The following DENND6A variants were observed in gnomAD, a reference collection of about 807,000 sequenced individuals.
DENND6A encodes the protein protein DENND6A.
A neutral mutation model predicts 95.5 loss-of-function variants in DENND6A; 43 were observed. The ratio of observed to expected loss-of-function variants is 0.45; its 90% CI spans 0.35 to 0.58. The LOEUF (loss-of-function observed/expected upper bound fraction) is 0.58, where lower values mean the gene tolerates loss of function less well. Among genes scored for constraint, DENND6A ranks in the 20% least tolerant of loss-of-function variants. The pLI, the probability that DENND6A is intolerant of heterozygous loss-of-function variation, is 0.00. For missense variants in DENND6A, 574 were observed against 736.0 expected, an observed-to-expected ratio of 0.78 and a Z score of 2.55; for synonymous variants, 257 against 260.4, an observed-to-expected ratio of 0.99 and a Z score of 0.13.
chr3:57,666,046 G>C (rs1039254726), intron 4 of DENND6A, 77 bp downstream of exon 4: 1 of 1,172,682 alleles, frequency 8.5e-7, no homozygotes, highest in Non-Finnish European at 1.2e-6. Flanking sequence ...ATTTCTGAAT[G>C]GTGTCAGCGG....
At position 57,672,301 on chromosome 3, in the gene DENND6A, G is replaced by C; in HGVS notation, c.277-3C>G. 1 of 1,609,028 alleles carries C rather than the reference G, an allele frequency of 6.2e-7. No individual in the cohort carries two copies. The highest frequency in any genetic ancestry group is 8.5e-7 in the Non-Finnish European group (1 of 1,178,488). ...GACAAATAGCAAATATTGGTTTTCT[G>C]AAAAAGAAAACAAAAGTGATGTATG... On this transcript the variant is annotated splice_polypyrimidine_tract_variant and splice_region_variant and intron_variant, in intron 2 of 19. Coordinates refer to ENST00000311128, the MANE Select transcript of DENND6A (RefSeq NM_152678.3).
chr3:57,645,948 C>G (rs1438139134), intron 10 of DENND6A, among the ~76,000 whole-genome samples, 192 bp from the exon 11 acceptor site: 1 of 152,100 alleles, frequency 6.6e-6, no homozygotes, highest in Admixed American at 6.6e-5. Flanking sequence ...AAAGAACACA[C>G]TGGGTTTGGG....
chr3:57,647,088 T>A (rs1274113963), intron 9 of DENND6A, among the ~76,000 whole-genome samples: 4 of 151,926 alleles, frequency 2.6e-5, no homozygotes, highest in South Asian at 4.1e-4. Context: ...TGGTAAAAAA[T>A]TTTCCTAGTA....
chr3:57,661,396 T>C (rs2071420469), intron 6 of DENND6A, 50 bp downstream of exon 6: 1 of 1,328,730 alleles, frequency 7.5e-7, no homozygotes, highest in Admixed American at 3.1e-5. Flanking sequence ...TATCACTTAT[T>C]TCCAGTAAAA....
chr3:57,669,091 C>T (rs749861633), intron 3 of DENND6A, among the ~76,000 whole-genome samples: 4 of 152,024 alleles, frequency 2.6e-5, no homozygotes, highest in Admixed American at 6.6e-5. Flanking sequence ...AGGCTGGTCT[C>T]GAATTCCTGA....
chr3:57,665,000 A>G (rs989920786), intron 4 of DENND6A, among the ~76,000 whole-genome samples: 2 of 152,226 alleles, frequency 1.3e-5, no homozygotes, highest in Admixed American at 1.3e-4. Flanking sequence ...AGACAAAGGC[A>G]TTCCAAGTTG....
chr3:57,635,262 T>C (rs2070767876), intron 12 of DENND6A, among the ~76,000 whole-genome samples: 1 of 152,124 alleles, frequency 6.6e-6, no homozygotes, highest in African/African-American at 2.4e-5. Context: ...TTTTCCATTA[T>C]AGAAACTTAC....
intron 3 of DENND6A, among the ~76,000 whole-genome samples, chr3:57,669,990 A>G (rs2071588750): frequency 6.7e-6 from 1 of 148,170 alleles, no homozygotes; most frequent in Admixed American, 6.8e-5. Flanking sequence ...ACTGCACTCC[A>G]GCCTGGGTGA....
At chr3:57,642,053 G>A (rs1004018110) in intron 11 of DENND6A, among the ~76,000 whole-genome samples, 9 of 152,182 alleles carry the variant, frequency 5.9e-5, no homozygotes, top group African/African-American at 1.9e-4. Flanking sequence ...GGTGATTCAC[G>A]CCTGTAATCC....
At chr3:57,636,270 G>C (rs918417282) in intron 12 of DENND6A, among the ~76,000 whole-genome samples, 2 of 152,184 alleles carry the variant, frequency 1.3e-5, no homozygotes, top group African/African-American at 4.8e-5. Flanking sequence ...ATAAAGGAAA[G>C]AGTGAAAGAG....
chr3:57,644,376 G>A (rs1244985982), intron 11 of DENND6A, among the ~76,000 whole-genome samples: 1 of 151,886 alleles, frequency 6.6e-6, no homozygotes, highest in Non-Finnish European at 1.5e-5. Flanking sequence ...CACGATCTGA[G>A]TTCACTGCAA....
At chr3:57,633,416 T>A in intron 14 of DENND6A, 62 bp from the exon 15 acceptor site, 1 of 1,331,230 alleles carries the variant, frequency 7.5e-7, no homozygotes, top group Non-Finnish European at 1.1e-6. Context: ...AATGGATAAC[T>A]ATCAGATTCA....
chr3:57,674,791 TA>T (rs896268055), intron 1 of DENND6A, among the ~76,000 whole-genome samples: 2 of 152,150 alleles, frequency 1.3e-5, no homozygotes, highest in Non-Finnish European at 2.9e-5. Flanking sequence ...TATGCAGCCA[TA>T]AAAAAAGAAT....
intron 18 of DENND6A, among the ~76,000 whole-genome samples, chr3:57,629,656 C>T (rs1447578709): frequency 1.3e-5 from 2 of 151,008 alleles, no homozygotes; most frequent in African/African-American, 2.4e-5. Context: ...GGACTACAGG[C>T]GCCTGCCACC....
At position 57,626,265 on chromosome 3, in the gene DENND6A, G is replaced by A. The variant is rs761611565; in HGVS notation, c.*1949C>T. ...AACGCAAGGAGTCTTTCTTGGGTCA[G>A]GAATGCCCTTAAGAGTTATATCGAC... On this transcript the variant is annotated 3_prime_UTR_variant, in exon 20 of 20. Coordinates refer to ENST00000311128, the MANE Select transcript of DENND6A (RefSeq NM_152678.3). 1.3e-5 allele frequency: 2 copies of A among 152,568 alleles called. No individual in the cohort carries two copies. Among genetic ancestry groups the A allele is most frequent in the Admixed American group, 6.6e-5 (1 of 15,264 alleles). 9.5% of individuals were successfully genotyped at this position (152,568 alleles called of 1,614,324 possible).
intron 9 of DENND6A, among the ~76,000 whole-genome samples, chr3:57,652,955 C>A (rs1458492942): frequency 6.6e-6 from 1 of 152,158 alleles, no homozygotes; most frequent in African/African-American, 2.4e-5. Flanking sequence ...ATTATTGTAA[C>A]AACTGGTAAC....
intron 12 of DENND6A, among the ~76,000 whole-genome samples, chr3:57,640,988 CA>C (rs1354448564): frequency 6.6e-6 from 1 of 151,658 alleles, no homozygotes; most frequent in Non-Finnish European, 1.5e-5. Context: ...CTCCCTAAAT[CA>C]ATAACCTGTG....
intron 1 of DENND6A, among the ~76,000 whole-genome samples, chr3:57,685,690 A>C (rs2077205621): frequency 6.6e-6 from 1 of 152,216 alleles, no homozygotes; most frequent in East Asian, 1.9e-4. Context: ...CTGATTTAAC[A>C]GAAATAACTA....
At chr3:57,655,414 CAT>C (rs1283958038) in intron 9 of DENND6A, among the ~76,000 whole-genome samples, 3 of 152,198 alleles carry the variant, frequency 2.0e-5, no homozygotes, top group East Asian at 1.9e-4. Flanking sequence ...GGAGACAAGA[CAT>C]GTGCTAATCA....
Sources: gnomAD v4.1 joint callset for allele counts (sites outside exome capture counted in the v4.1 genomes callset) on GRCh38, gnomAD v4.1.1 for gene constraint, MANE v1.5 for transcripts, NCBI Gene and HGNC (gene_info 2026-07-23, HGNC 2026-07-21) for gene names.